Variants in EPSTI1 observed in about 807,000 individuals in gnomAD.
EPSTI1 encodes the protein epithelial stromal interaction 1.
Under a neutral mutation model 49.9 loss-of-function variants are expected in EPSTI1, and 66 were observed. The ratio of observed to expected loss-of-function variants is 1.32; its 90% CI spans 1.08 to 1.62. The LOEUF is 1.62. EPSTI1 is among the 40% of genes most tolerant of loss of function. EPSTI1 has a pLI of 0.00. For missense variants in EPSTI1, 394 were observed against 365.5 expected, an observed-to-expected ratio of 1.08 and a Z score of -0.64; for synonymous variants, 137 against 130.7, an observed-to-expected ratio of 1.05 and a Z score of -0.33.
chr13:42,887,421 A>G lies in EPSTI1; in HGVS notation c.*1073T>C, dbSNP rs144578919. The G allele has an allele frequency of 2.0e-5, 3 of 152,336 alleles. No homozygotes were observed. Among genetic ancestry groups the G allele is most frequent in the African/African-American group, 7.2e-5 (3 of 41,574 alleles). 9.4% of individuals were successfully genotyped at this position (152,336 alleles called of 1,614,324 possible). A position where few individuals can be genotyped will look rare whatever the true frequency, so the allele number is the denominator to read the frequency against. On this transcript the variant is annotated 3_prime_UTR_variant, in exon 11 of 11. Coordinates refer to ENST00000313624, the MANE Select transcript of EPSTI1 (RefSeq NM_033255.5). ...AGATTCGGAAAGTTCATTTCAACAG[A>G]GTGACTGGTAACACAGAAGATCTCT...
chr13:42,914,637 CAGTAAAATTACCTTTGTCTTTTTT>C (rs2037779507), intron 8 of EPSTI1, among the ~76,000 whole-genome samples: 3 of 152,138 alleles, frequency 2.0e-5, no homozygotes, highest in Non-Finnish European at 2.9e-5. Flanking sequence ...GAAGTGGTTA[CAGTAAAATTACCTTTGTCTTTTTT>C]TAAATTTGCT....
At chr13:42,986,485 C>T (rs1274467904) in intron 1 of EPSTI1, among the ~76,000 whole-genome samples, 1 of 152,130 alleles carries the variant, frequency 6.6e-6, no homozygotes, top group Non-Finnish European at 1.5e-5. Context: ...TGGCTCACGC[C>T]TGTAATCCCA....
At chr13:42,893,100 A>G (rs891064313) in intron 10 of EPSTI1, among the ~76,000 whole-genome samples, 8 of 152,240 alleles carry the variant, frequency 5.3e-5, no homozygotes, top group African/African-American at 1.9e-4. Flanking sequence ...ACCTTGTAAC[A>G]GTGGGTTTAA....
At chr13:42,926,455 G>C (rs1178113311) in intron 6 of EPSTI1, 26 bp from the exon 7 acceptor site, 1 of 1,251,832 alleles carries the variant, frequency 8.0e-7, no homozygotes, top group Non-Finnish European at 1.2e-6. Context: ...ACAGGTGTTA[G>C]TGCCTTCACA....
chr13:42,902,444 C>T (rs1267628291), intron 8 of EPSTI1, among the ~76,000 whole-genome samples: 1 of 152,194 alleles, frequency 6.6e-6, no homozygotes, highest in African/African-American at 2.4e-5. Flanking sequence ...TTACCACTGA[C>T]CATCTAGTTC....
chr13:42,992,159 T>A lies in EPSTI1; in HGVS notation c.7A>T (p.Thr3Ser). ...CCGGAGTTCACCACTCTATTGCGGG[T>A]GTTCATGGTTCACAGCCCGCGGGTC... The part of the protein sequence containing the change: MN[T>S]RNRVVNSGLG... The change falls in exon 1 of 11, where the codon ACC becomes TCC. Residue 3 changes from threonine (T) to serine (S), a missense_variant. Thr to Ser is a moderately conservative substitution (Grantham distance 58, BLOSUM62 1). Transcript: ENST00000313624. 6.4e-7 allele frequency: 1 copy of A among 1,572,120 alleles called. No individual in the cohort carries two copies.
At position 42,964,055 on chromosome 13, in the gene EPSTI1, T is replaced by C. The variant is rs1170059114; in HGVS notation, c.405+11A>G. On this transcript the variant is annotated intron_variant, in intron 4 of 10. Coordinates refer to ENST00000313624, the MANE Select transcript of EPSTI1 (RefSeq NM_033255.5). ...CTTACCAAAATTCAACTAAAAGAGA[T>C]GAATTCTGACCTTTTGCTTGTATTT... The C allele has an allele frequency of 6.2e-7, 1 of 1,610,494 alleles. No individual in the cohort carries two copies. Among genetic ancestry groups the C allele is most frequent in the Non-Finnish European group, 8.5e-7 (1 of 1,178,198 alleles).
intron 6 of EPSTI1, among the ~76,000 whole-genome samples, chr13:42,950,823 G>C (rs1215169445): frequency 1.3e-5 from 2 of 152,112 alleles, no homozygotes; most frequent in Non-Finnish European, 2.9e-5. Context: ...GTGGGGGTAG[G>C]CAGTCTGGTT....
chr13:42,915,876 A>G (rs1480063078), intron 8 of EPSTI1, among the ~76,000 whole-genome samples: 3 of 152,160 alleles, frequency 2.0e-5, no homozygotes, highest in South Asian at 2.1e-4. Context: ...GCTCAACCTG[A>G]AAATTAAATC....
At chr13:42,987,353 A>G (rs2040103280) in intron 1 of EPSTI1, among the ~76,000 whole-genome samples, 1 of 152,008 alleles carries the variant, frequency 6.6e-6, no homozygotes, top group Admixed American at 6.5e-5. Flanking sequence ...ATGTCAGGAA[A>G]AAAAAAACCA....
chr13:42,950,098 C>T (rs1403774747), intron 6 of EPSTI1, among the ~76,000 whole-genome samples: 1 of 152,174 alleles, frequency 6.6e-6, no homozygotes, highest in Non-Finnish European at 1.5e-5. Context: ...AGGCTAACTG[C>T]CGATTTCTAC....
intron 6 of EPSTI1, among the ~76,000 whole-genome samples, chr13:42,946,653 G>C (rs934915674): frequency 6.6e-6 from 1 of 152,154 alleles, no homozygotes; most frequent in Non-Finnish European, 1.5e-5. Flanking sequence ...GAAGTCAACT[G>C]CCCAAGTCTT....
At chr13:42,963,636 G>T in intron 4 of EPSTI1, 1 of 347,190 alleles carries the variant, frequency 2.9e-6, no homozygotes, top group Non-Finnish European at 5.1e-6. Context: ...TGTGTATTGG[G>T]GAGGGAAAAG....
At chr13:42,934,779 T>A (rs12870956) in intron 6 of EPSTI1, 1 of 193,544 alleles carries the variant, frequency 5.2e-6, no homozygotes, top group Admixed American at 5.0e-5. Context: ...CTGGCCCCCA[T>A]CAGGAAAGCT....
chr13:42,956,056 A>C (rs570018205), intron 5 of EPSTI1, among the ~76,000 whole-genome samples: 3 of 152,182 alleles, frequency 2.0e-5, no homozygotes, highest in Non-Finnish European at 4.4e-5. Flanking sequence ...GGACACAGAC[A>C]AAAAAGAAAT....
At chr13:42,925,699 C>T (rs1311707558) in intron 7 of EPSTI1, among the ~76,000 whole-genome samples, 1 of 152,192 alleles carries the variant, frequency 6.6e-6, no homozygotes, top group Non-Finnish European at 1.5e-5. Flanking sequence ...TTATTTCTTG[C>T]ATTTATACCT....
chr13:42,933,810 C>T (rs1026447889), intron 6 of EPSTI1: 1 of 152,336 alleles, frequency 6.6e-6, no homozygotes, highest in African/African-American at 2.4e-5. Context: ...GGAGGAACAC[C>T]AGAGCTGCTG....
At chr13:42,945,346 C>T (rs913656143) in intron 6 of EPSTI1, among the ~76,000 whole-genome samples, 2 of 152,180 alleles carry the variant, frequency 1.3e-5, no homozygotes, top group African/African-American at 4.8e-5. Context: ...TTACCTCCGG[C>T]CAGGTCCCTC....
At chr13:42,979,409 T>A (rs2039942574) in intron 1 of EPSTI1, among the ~76,000 whole-genome samples, 1 of 151,796 alleles carries the variant, frequency 6.6e-6, no homozygotes, top group Admixed American at 6.6e-5. Context: ...AAGCCCCGTC[T>A]CTACTAAAAA....
Sources: allele counts gnomAD v4.1 joint callset (sites outside exome capture counted in the v4.1 genomes callset), GRCh38; gene constraint gnomAD v4.1.1; transcripts MANE v1.5; gene names NCBI Gene and HGNC (gene_info 2026-07-23, HGNC 2026-07-21).